The following DOCK10 variants were observed in gnomAD, a reference collection of about 807,000 sequenced individuals.
The protein encoded by DOCK10 is dedicator of cytokinesis protein 10.
In DOCK10, 145 loss-of-function variants were observed where a neutral mutation model predicts 280.1. The observed-to-expected ratio is 0.52, with a 90% CI of 0.45 to 0.59. The LOEUF is 0.59. Among genes scored for constraint, DOCK10 ranks in the 20% least tolerant of loss-of-function variants. DOCK10 has a pLI of 0.00. For synonymous variants in DOCK10, 915 were observed against 942.2 expected, an observed-to-expected ratio of 0.97 and a Z score of 0.53; for missense variants, 2,368 against 2,651.7, an observed-to-expected ratio of 0.89 and a Z score of 2.35.
chr2:225,035,534 GAT>G (rs1187529768), intron 1 of DOCK10, among the ~76,000 whole-genome samples: 32 of 58,202 alleles, frequency 5.5e-4, no homozygotes, highest in Non-Finnish European at 8.9e-4. Context: ...TATATGATAT[GAT>G]ATATATTATA....
intron 25 of DOCK10, among the ~76,000 whole-genome samples, chr2:224,834,836 C>T (rs368494275): frequency 6.6e-6 from 1 of 152,246 alleles, no homozygotes; most frequent in South Asian, 2.1e-4. Context: ...CCACTGAGGG[C>T]ACATAATGGC....
Position 224,823,538 on chromosome 2 carries a change from G to T in DOCK10, c.3146C>A (p.Thr1049Lys). The T allele has an allele frequency of 6.2e-7, 1 of 1,608,164 alleles. No homozygotes were observed. Among genetic ancestry groups the T allele is most frequent in the Non-Finnish European group, 8.5e-7 (1 of 1,178,252 alleles). The change falls in exon 28 of 56, where the codon ACA becomes AAA. Residue 1049 changes from threonine to lysine, a missense_variant. By Grantham distance (78) the Thr-to-Lys change is moderately conservative. Around this residue, in one of 2 missense-constraint regions of DOCK10, gnomAD observed 1,159 missense variants for 1,400.8 expected, o/e 0.83. Transcript: ENST00000258390. ...IWKYKDALEE[T>K]RRANHSVARF... ...GGCAACGCTGTGGTTTGCCCTTCTT[G>T]TTTCTTCAAGTGCATCCTTGTATTT...
At chr2:224,851,354 T>A (rs1241682166) in intron 18 of DOCK10, among the ~76,000 whole-genome samples, 1 of 151,894 alleles carries the variant, frequency 6.6e-6, no homozygotes, top group Non-Finnish European at 1.5e-5. Flanking sequence ...TCTGTTTGCC[T>A]GACAATTATA....
intron 1 of DOCK10, among the ~76,000 whole-genome samples, chr2:225,031,455 G>A (rs1690072361): frequency 6.6e-6 from 1 of 152,206 alleles, no homozygotes; most frequent in African/African-American, 2.4e-5. Flanking sequence ...GTGGGCACAG[G>A]GCCGAAGGAC....
chr2:224,841,969 G>T (rs1389550722), intron 22 of DOCK10, 73 bp from the exon 23 acceptor site: 5 of 1,082,888 alleles, frequency 4.6e-6, no homozygotes, highest in Non-Finnish European at 7.1e-6. Context: ...CCACTGTGAT[G>T]TGAGGTAAGC....
rs533865646 is a variant in DOCK10, at chr2:224,847,284, CA to C, written c.2236-1643del. 5.1e-4 allele frequency among the ~76,000 whole-genome samples: 77 copies of C among 152,264 alleles called. 1 individual carries two copies. The highest frequency in any genetic ancestry group is 1.8e-3 in the African/African-American group (75 of 41,536). On this transcript the variant is annotated intron_variant, in intron 19 of 55. Coordinates refer to ENST00000258390, the MANE Select transcript of DOCK10 (RefSeq NM_014689.3). ...AGTAGCCTTGTGAAGTAGCATGGCA[CA>C]GTGTTAGGAAGCAGGGCTGCACATG...
intron 2 of DOCK10, among the ~76,000 whole-genome samples, chr2:224,921,455 G>A (rs2125978963): frequency 6.6e-6 from 1 of 151,634 alleles, no homozygotes; most frequent in East Asian, 1.9e-4. Context: ...ATGTCCTATA[G>A]TTAGATAGGC....
rs866467108 is a variant in DOCK10, at chr2:224,900,252, C to T, written c.334-3875G>A. Among the ~76,000 whole-genome samples the T allele has an allele frequency of 3.3e-5, 5 of 151,628 alleles. No homozygotes were observed. In the South Asian group the frequency reaches 8.3e-4, roughly 25 times the overall value. On this transcript the variant is annotated intron_variant, in intron 3 of 55. Coordinates refer to ENST00000258390, the MANE Select transcript of DOCK10 (RefSeq NM_014689.3). ...TTCACTGACAAAAATGAATGTGGCACTTTCTTATATTAGTATGATACTAGT... is the reference window on the plus strand; with the variant it reads ...TTCACTGACAAAAATGAATGTGGCATTTTCTTATATTAGTATGATACTAGT...
At chr2:224,783,534 A>G (rs1376753781) in intron 50 of DOCK10, among the ~76,000 whole-genome samples, 4 of 152,052 alleles carry the variant, frequency 2.6e-5, no homozygotes, top group Non-Finnish European at 1.5e-5. Context: ...TCGGCCTCCC[A>G]AAGTGCTGGG....
At chr2:224,831,724 A>C (rs1044026787) in intron 26 of DOCK10, among the ~76,000 whole-genome samples, 7 of 152,144 alleles carry the variant, frequency 4.6e-5, no homozygotes, top group African/African-American at 1.4e-4. Context: ...TGCACATCTG[A>C]GTGCTGTCCA....
intron 3 of DOCK10, among the ~76,000 whole-genome samples, chr2:224,907,379 T>C (rs1700712600): frequency 1.3e-5 from 2 of 152,120 alleles, no homozygotes; most frequent in Admixed American, 1.3e-4. Context: ...ACATTTTCGA[T>C]GCTAACAGTA....
At chr2:224,839,813 C>A (rs548128216) in intron 24 of DOCK10, 141 bp downstream of exon 24, 1 of 437,636 alleles carries the variant, frequency 2.3e-6, no homozygotes, top group African/African-American at 2.0e-5. Flanking sequence ...GGTAAGGAGT[C>A]AAGAGTGGAA....
chr2:224,785,126 C>T (rs1207785929), intron 50 of DOCK10, among the ~76,000 whole-genome samples: 1 of 152,112 alleles, frequency 6.6e-6, no homozygotes, highest in Non-Finnish European at 1.5e-5. Flanking sequence ...ACCAATGTCA[C>T]AAATTGTATA....
intron 7 of DOCK10, among the ~76,000 whole-genome samples, chr2:224,882,591 C>T (rs544969187): frequency 1.3e-5 from 2 of 152,154 alleles, no homozygotes; most frequent in African/African-American, 2.4e-5. Context: ...ATGAATCAAA[C>T]TGAAATGGCA....
chr2:224,888,127 G>A (rs1242943973), intron 4 of DOCK10, among the ~76,000 whole-genome samples: 1 of 151,954 alleles, frequency 6.6e-6, no homozygotes, highest in Non-Finnish European at 1.5e-5. Flanking sequence ...CATCATTGTG[G>A]CATTATTCAT....
At position 224,953,135 on chromosome 2, in the gene DOCK10, T is replaced by C. The variant is rs75948255; in HGVS notation, c.124-21467A>G. On this transcript the variant is annotated intron_variant, in intron 1 of 55. Coordinates refer to ENST00000258390, the MANE Select transcript of DOCK10 (RefSeq NM_014689.3). ...GATGACAGGATTCACAAGTCCTAAA[T>C]TGAGCAATTGGTAAGGCACCTCCTA... Among the ~76,000 whole-genome samples the C allele has an allele frequency of 9.0e-3, 1,375 of 152,342 alleles. 26 individuals are homozygous for C. Among genetic ancestry groups the C allele is most frequent in the African/African-American group, 0.029 (1,200 of 41,566 alleles).
chr2:224,820,617 C>T (rs1002379271), intron 28 of DOCK10, among the ~76,000 whole-genome samples: 1 of 152,234 alleles, frequency 6.6e-6, no homozygotes. Flanking sequence ...CTCAATTTTA[C>T]TCACAGACAG....
intron 1 of DOCK10, among the ~76,000 whole-genome samples, chr2:224,952,526 G>A (rs1020774175): frequency 9.2e-5 from 14 of 152,064 alleles, no homozygotes; most frequent in Non-Finnish European, 2.1e-4. Context: ...AAATAATGGT[G>A]GAGGAAAGGC....
At chr2:225,034,099 T>A (rs573232616) in intron 1 of DOCK10, among the ~76,000 whole-genome samples, 16 of 152,368 alleles carry the variant, frequency 1.1e-4, no homozygotes, top group Admixed American at 5.9e-4. Context: ...AACTCTTTTT[T>A]AGAAACTCTT....
Sources: allele counts gnomAD v4.1 joint callset (sites outside exome capture counted in the v4.1 genomes callset), GRCh38; gene constraint gnomAD v4.1.1; regional missense constraint gnomAD v4.1.1; transcripts MANE v1.5; gene names NCBI Gene and HGNC (gene_info 2026-07-23, HGNC 2026-07-21).